The following XKR4 variants were observed in gnomAD, a reference collection of about 807,000 sequenced individuals.
XKR4 encodes the protein XK related 4, also known as XK-related protein 4.
Under a neutral mutation model 53.9 loss-of-function variants are expected in XKR4, and 12 were observed. The ratio of observed to expected loss-of-function variants is 0.22; its 90% CI spans 0.14 to 0.36. The LOEUF is 0.36. Among genes scored for constraint, XKR4 ranks in the 10% least tolerant of loss-of-function variants. XKR4 has a pLI of 1.00. For synonymous variants in XKR4, 354 were observed against 362.4 expected (o/e 0.98, Z 0.26); for missense variants, 799 against 859.5 (o/e 0.93, Z 0.88).
chr8:55,395,978 C>T (rs190529486), intron 2 of XKR4, among the ~76,000 whole-genome samples: 1 of 152,212 alleles, frequency 6.6e-6, no homozygotes, highest in Admixed American at 6.5e-5. Flanking sequence ...CTCACTATAT[C>T]CTCACATGGA....
chr8:55,197,772 T>C (rs1205305656), intron 1 of XKR4, among the ~76,000 whole-genome samples: 3 of 152,264 alleles, frequency 2.0e-5, no homozygotes, highest in East Asian at 3.9e-4. Context: ...CTTGATCTCC[T>C]GACCTCGTGA....
rs114964415 is a variant in XKR4, at chr8:55,364,142, C to T, written c.1006+6265C>T. The stretch of plus-strand genomic sequence containing the variant: ...CGGGAAGGGGCCAGGCAGCCTCTGC[C>T]TGAGCAGCCGTGTGTCCATTGTCAG... On this transcript the variant is annotated intron_variant, in intron 2 of 2. Transcript: ENST00000327381. Among the ~76,000 whole-genome samples, 625 of 152,306 alleles carry T rather than the reference C, an allele frequency of 4.1e-3. 3 individuals carry two copies. Among genetic ancestry groups the T allele is most frequent in the African/African-American group, 0.015 (607 of 41,552 alleles).
intron 1 of XKR4, among the ~76,000 whole-genome samples, chr8:55,231,251 A>C (rs919704668): frequency 6.6e-6 from 1 of 152,234 alleles, no homozygotes; most frequent in African/African-American, 2.4e-5. Flanking sequence ...AATGAACTGA[A>C]GTACGTACGC....
chr8:55,124,158 C>T (rs1816429529), intron 1 of XKR4, among the ~76,000 whole-genome samples: 1 of 152,204 alleles, frequency 6.6e-6, no homozygotes, highest in Non-Finnish European at 1.5e-5. Flanking sequence ...ATTTCTCCTG[C>T]CTGACTTGGA....
At chr8:55,417,500 A>C (rs1804867767) in intron 2 of XKR4, among the ~76,000 whole-genome samples, 1 of 152,196 alleles carries the variant, frequency 6.6e-6, no homozygotes. Context: ...GCAGATCCAC[A>C]TATAGATTTA....
At chr8:55,491,896 T>C (rs149423464) in intron 2 of XKR4, among the ~76,000 whole-genome samples, 3 of 152,344 alleles carry the variant, frequency 2.0e-5, no homozygotes, top group African/African-American at 7.2e-5. Flanking sequence ...TTGCCTAGTT[T>C]ATGCATACAT....
At chr8:55,292,625 T>G (rs1354213217) in intron 1 of XKR4, among the ~76,000 whole-genome samples, 1 of 152,158 alleles carries the variant, frequency 6.6e-6, no homozygotes, top group Non-Finnish European at 1.5e-5. Context: ...TACTGTTTTT[T>G]AATTTCATTG....
intron 2 of XKR4, among the ~76,000 whole-genome samples, chr8:55,455,621 G>A (rs1442022354): frequency 6.6e-6 from 1 of 152,186 alleles, no homozygotes; most frequent in Non-Finnish European, 1.5e-5. Context: ...ACAAGTGGTA[G>A]ACCAATAAGA....
chr8:55,152,445 A>C (rs1425613839), intron 1 of XKR4, among the ~76,000 whole-genome samples: 1 of 151,306 alleles, frequency 6.6e-6, no homozygotes, highest in Non-Finnish European at 1.5e-5. Flanking sequence ...ACCATTAATG[A>C]GGTAAAAATT....
intron 1 of XKR4, among the ~76,000 whole-genome samples, chr8:55,224,333 C>T (rs111429772): frequency 2.0e-5 from 3 of 152,124 alleles, no homozygotes; most frequent in East Asian, 1.9e-4. Flanking sequence ...TAGATAATTG[C>T]GGTTGTGTCT....
intron 1 of XKR4, among the ~76,000 whole-genome samples, chr8:55,177,470 A>G (rs1451507763): frequency 6.6e-6 from 1 of 152,202 alleles, no homozygotes; most frequent in Non-Finnish European, 1.5e-5. Flanking sequence ...ACATAAGAAT[A>G]TCAGGAAGAG....
chr8:55,450,175 CG>C, intron 2 of XKR4: 2 of 668,846 alleles, frequency 3.0e-6, no homozygotes, highest in Non-Finnish European at 2.7e-6. Context: ...AGGCTGGGCT[CG>C]GGGGCAGCTG....
At chr8:55,382,770 T>C (rs1231465679) in intron 2 of XKR4, among the ~76,000 whole-genome samples, 1 of 152,080 alleles carries the variant, frequency 6.6e-6, no homozygotes, top group African/African-American at 2.4e-5. Flanking sequence ...AGCATCTGGT[T>C]TTTTTTTAAC....
At chr8:55,427,812 A>G (rs142852839) in intron 2 of XKR4, among the ~76,000 whole-genome samples, 186 of 152,314 alleles carry the variant, frequency 1.2e-3, no homozygotes, top group Admixed American at 2.5e-3. Flanking sequence ...TATCCAACAA[A>G]TGTTTATTAA....
At chr8:55,124,011 T>A (rs1816427744) in intron 1 of XKR4, among the ~76,000 whole-genome samples, 1 of 152,222 alleles carries the variant, frequency 6.6e-6, no homozygotes, top group East Asian at 1.9e-4. Context: ...TGAGATCTAC[T>A]TTTTTGTTTT....
chr8:55,162,694 A>G (rs76507488), intron 1 of XKR4, among the ~76,000 whole-genome samples: 2 of 152,182 alleles, frequency 1.3e-5, no homozygotes, highest in Admixed American at 6.5e-5. Context: ...CACAGAAAGC[A>G]TAGTCAGTGT....
chr8:55,401,342 G>A (rs967269672), intron 2 of XKR4, among the ~76,000 whole-genome samples: 1 of 152,196 alleles, frequency 6.6e-6, no homozygotes, highest in African/African-American at 2.4e-5. Flanking sequence ...TGGTTATCAT[G>A]AATCTTCAGG....
At chr8:55,261,828 G>A (rs964483920) in intron 1 of XKR4, among the ~76,000 whole-genome samples, 4 of 151,848 alleles carry the variant, frequency 2.6e-5, no homozygotes, top group Admixed American at 1.3e-4. Context: ...TCTGGAATAT[G>A]AGAAGGTGAT....
intron 1 of XKR4, among the ~76,000 whole-genome samples, chr8:55,176,659 C>T (rs1228009786): frequency 1.3e-5 from 2 of 152,116 alleles, no homozygotes; most frequent in Non-Finnish European, 2.9e-5. Flanking sequence ...TGACTTCGAC[C>T]TTATTTCTGT....
Sources: allele counts gnomAD v4.1 joint callset (sites outside exome capture counted in the v4.1 genomes callset), GRCh38; gene constraint gnomAD v4.1.1; transcripts MANE v1.5; gene names NCBI Gene and HGNC (gene_info 2026-07-23, HGNC 2026-07-21).